The following ST3GAL3 variants were observed in gnomAD, a reference collection of about 807,000 sequenced individuals.
ST3GAL3 encodes the protein CMP-N-acetylneuraminate-beta-1,4-galactoside alpha-2,3-sialyltransferase.
ST3GAL3 carries 21 observed loss-of-function variants against 50.1 expected under a neutral mutation model. That is an observed-to-expected ratio of 0.42 (90% CI 0.30 to 0.60). The LOEUF (loss-of-function observed/expected upper bound fraction) is 0.60. ST3GAL3 is among the 20% of genes least tolerant of loss of function. The pLI is 0.19. For missense variants in ST3GAL3, 353 were observed against 489.4 expected, an observed-to-expected ratio of 0.72 and a Z score of 2.63; for synonymous variants, 183 against 190.0, an observed-to-expected ratio of 0.96 and a Z score of 0.30.
At chr1:43,885,156 T>G (rs1396392258) in intron 5 of ST3GAL3, among the ~76,000 whole-genome samples, 1 of 152,202 alleles carries the variant, frequency 6.6e-6, no homozygotes, top group East Asian at 1.9e-4. Context: ...CTGGTTAGCC[T>G]GACCCTTATG....
intron 1 of ST3GAL3, among the ~76,000 whole-genome samples, chr1:43,733,578 C>T (rs1032726262): frequency 1.3e-5 from 2 of 152,156 alleles, no homozygotes; most frequent in African/African-American, 4.8e-5. Flanking sequence ...GTTTTTTCCT[C>T]TGCCAGTACC....
At chr1:43,871,706 G>A (rs1350253765) in intron 5 of ST3GAL3, among the ~76,000 whole-genome samples, 1 of 86,492 alleles carries the variant, frequency 1.2e-5, no homozygotes, top group African/African-American at 5.0e-5. Flanking sequence ...GTGAGGGAGA[G>A]GCTGGGGTGT....
At chr1:43,749,046 G>T (rs2154107572) in intron 2 of ST3GAL3, among the ~76,000 whole-genome samples, 1 of 152,268 alleles carries the variant, frequency 6.6e-6, no homozygotes, top group East Asian at 1.9e-4. Context: ...TCCAGAAATA[G>T]ACCATGCATA....
chr1:43,760,622 G>T (rs1369812964), intron 2 of ST3GAL3, among the ~76,000 whole-genome samples: 3 of 152,176 alleles, frequency 2.0e-5, no homozygotes, highest in Non-Finnish European at 2.9e-5. Flanking sequence ...CGGGCGTGGT[G>T]GTAGGCACCT....
chr1:43,904,099 T>G lies in ST3GAL3; in HGVS notation c.744+4372T>G, dbSNP rs190270832. ...CATTTTTCTGTCAGGCTGTAGGACT[T>G]GACCTAGGAGGTGACCCAGAAGCAG... is the stretch of plus-strand genomic sequence containing the variant. On this transcript the variant is annotated intron_variant, in intron 9 of 11. Coordinates refer to ENST00000347631, the MANE Select transcript of ST3GAL3 (RefSeq NM_006279.5). Among the ~76,000 whole-genome samples, 173 of 152,238 alleles carry G rather than the reference T, an allele frequency of 1.1e-3. 1 individual carries two copies. The highest frequency in any genetic ancestry group is 4.0e-3 in the African/African-American group (167 of 41,512).
At chr1:43,929,145 G>A (rs1322071199) in intron 11 of ST3GAL3, among the ~76,000 whole-genome samples, 1 of 152,060 alleles carries the variant, frequency 6.6e-6, no homozygotes, top group Non-Finnish European at 1.5e-5. Flanking sequence ...TGAAATATAT[G>A]ACATTATTAT....
intron 2 of ST3GAL3, among the ~76,000 whole-genome samples, chr1:43,783,883 T>C (rs972367383): frequency 4.6e-5 from 7 of 152,212 alleles, no homozygotes; most frequent in African/African-American, 1.4e-4. Flanking sequence ...TGGCATGACA[T>C]AGCAGTTTCT....
chr1:43,857,531 T>G (rs2068704226), intron 5 of ST3GAL3, among the ~76,000 whole-genome samples: 1 of 118,196 alleles, frequency 8.5e-6, no homozygotes, highest in Non-Finnish European at 1.8e-5. Context: ...TCCCTCCTCC[T>G]TCCCTCCCTC....
intron 9 of ST3GAL3, among the ~76,000 whole-genome samples, chr1:43,918,362 C>T (rs2154293481): frequency 6.6e-6 from 1 of 151,804 alleles, no homozygotes; most frequent in Middle Eastern, 3.4e-3. Flanking sequence ...AAGCAATCCA[C>T]CTGCCTCAGC....
At chr1:43,794,553 C>T (rs2058471666) in intron 3 of ST3GAL3, among the ~76,000 whole-genome samples, 1 of 152,268 alleles carries the variant, frequency 6.6e-6, no homozygotes, top group Non-Finnish European at 1.5e-5. Flanking sequence ...AGCAATTCCT[C>T]CTCTAGGTAT....
rs910976925 is a variant in ST3GAL3 at position 43,899,691 on chromosome 1, T to G, written c.708T>G (p.Phe236Leu). 6.2e-7 allele frequency: 1 copy of G among 1,614,114 alleles called. No homozygotes were observed. The highest frequency in any genetic ancestry group is 1.3e-5 in the African/African-American group (1 of 75,050). ...TCGCCGGCTTCAAGTGGCAGGACTT[T>G]AAGTGGTTGAAATACATCGTCTACA... ...FVLAGFKWQD[F>L]KWLKYIVYKE... The change falls in exon 9 of 12, where the codon TTT becomes TTG. Residue 236 changes from phenylalanine (F) to leucine (L), a missense_variant. By Grantham distance (22) the Phe-to-Leu change is conservative. Transcript: ENST00000347631. The surrounding 1 kb of genome is among the most constrained non-coding windows in gnomAD (Gnocchi z 5.4).
At chr1:43,750,666 G>T (rs1238335586) in intron 2 of ST3GAL3, among the ~76,000 whole-genome samples, 1 of 151,986 alleles carries the variant, frequency 6.6e-6, no homozygotes. Flanking sequence ...AAGGCAGGAG[G>T]ATCTCTTGAG....
chr1:43,818,601 C>T (rs1038852383), intron 4 of ST3GAL3, among the ~76,000 whole-genome samples: 6 of 152,040 alleles, frequency 3.9e-5, no homozygotes, highest in Admixed American at 2.0e-4. Context: ...TTATGAGAAC[C>T]ATGTAAAACA....
chr1:43,714,387 A>G (rs1034866179), intron 1 of ST3GAL3, among the ~76,000 whole-genome samples: 1 of 150,860 alleles, frequency 6.6e-6, no homozygotes, highest in African/African-American at 2.4e-5. Flanking sequence ...CAGGAGTTCC[A>G]GAACAGCCTG....
At chr1:43,845,214 C>T (rs1349450546) in intron 5 of ST3GAL3, among the ~76,000 whole-genome samples, 2 of 152,094 alleles carry the variant, frequency 1.3e-5, no homozygotes, top group Non-Finnish European at 2.9e-5. Flanking sequence ...AACTCCTGGC[C>T]TCCAGTGATC....
At chr1:43,723,113 CTTT>C (rs770769806) in intron 1 of ST3GAL3, among the ~76,000 whole-genome samples, 2 of 142,890 alleles carry the variant, frequency 1.4e-5, no homozygotes, top group Admixed American at 7.1e-5. Context: ...CTCTTCCCTC[CTTT>C]TTTTTTTTTT....
chr1:43,854,601 G>A (rs2067978980), intron 5 of ST3GAL3, among the ~76,000 whole-genome samples: 2 of 152,126 alleles, frequency 1.3e-5, no homozygotes, highest in Admixed American at 1.3e-4. Context: ...CATATGTGCT[G>A]ATGACTCTCA....
chr1:43,762,033 AG>A (rs1275813258), intron 2 of ST3GAL3, among the ~76,000 whole-genome samples: 1 of 151,416 alleles, frequency 6.6e-6, no homozygotes, highest in African/African-American at 2.4e-5. Context: ...TGGGAGGCCA[AG>A]GCAGGAGGTT....
At chr1:43,869,571 C>A (rs573788939) in intron 5 of ST3GAL3, among the ~76,000 whole-genome samples, 2 of 152,116 alleles carry the variant, frequency 1.3e-5, no homozygotes, top group Non-Finnish European at 2.9e-5. Context: ...ATGCCTCACA[C>A]CCAAAAGATG....
Sources: gnomAD v4.1 joint callset for allele counts (sites outside exome capture counted in the v4.1 genomes callset) on GRCh38, gnomAD v4.1.1 for gene constraint, Gnocchi (gnomAD v3.1) non-coding constraint, MANE v1.5 for transcripts, NCBI Gene and HGNC (gene_info 2026-07-23, HGNC 2026-07-21) for gene names.